The following DCHS2 variants were observed in gnomAD, a reference collection of about 807,000 sequenced individuals.
DCHS2 encodes protocadherin-23.
A neutral mutation model predicts 182.4 loss-of-function variants in DCHS2; 142 were observed. The observed-to-expected ratio is 0.78, with a 90% CI of 0.68 to 0.89. The LOEUF is 0.89. DCHS2 is among the 40% of genes least tolerant of loss of function. DCHS2 has a pLI of 0.00. For missense variants in DCHS2, 4,319 were observed against 4,198.6 expected, an observed-to-expected ratio of 1.03 and a Z score of -0.79; for synonymous variants, 1,740 against 1,663.3, an observed-to-expected ratio of 1.05 and a Z score of -1.12.
At position 154,320,968 on chromosome 4, in the gene DCHS2, G is replaced by A. The variant is rs893182078; in HGVS notation, c.4431C>T (p.Phe1477=). The part of the protein sequence containing the change: ...LDYETTSHYL[F]RVITTDHSKN... ...TGCTATGGTCTGTAGTAATCACTCTGAAAAGATAATGAGATGTCGTCTCAT... is the reference window on the plus strand; with the variant it reads ...TGCTATGGTCTGTAGTAATCACTCTAAAAAGATAATGAGATGTCGTCTCAT... The change falls in exon 9 of 20, where the codon TTC becomes TTT. Residue 1477 remains phenylalanine, a synonymous_variant. Transcript: ENST00000357232. The A allele has an allele frequency of 1.9e-6, 3 of 1,614,032 alleles. No homozygotes were observed. Among genetic ancestry groups the A allele is most frequent in the Non-Finnish European group, 8.5e-7 (1 of 1,179,984 alleles).
At chr4:154,359,164 CT>C (rs1579005271) in intron 3 of DCHS2, among the ~76,000 whole-genome samples, 1 of 152,022 alleles carries the variant, frequency 6.6e-6, no homozygotes, top group East Asian at 1.9e-4. Context: ...TTACAGAGCA[CT>C]GGTTATTTTC....
intron 1 of DCHS2, among the ~76,000 whole-genome samples, chr4:154,463,691 T>TC: frequency 1.7e-5 from 1 of 57,792 alleles, no homozygotes; most frequent in Non-Finnish European, 4.3e-5. Context: ...TATTCTCTCT[T>TC]TTCTCTCTCT....
intron 1 of DCHS2, among the ~76,000 whole-genome samples, chr4:154,432,688 T>C (rs1163155212): frequency 6.6e-6 from 1 of 151,780 alleles, no homozygotes; most frequent in Admixed American, 6.6e-5. Context: ...TCTCAATCAA[T>C]CCAACAGCTG....
At chr4:154,481,060 T>C (rs1332294708) in intron 1 of DCHS2, among the ~76,000 whole-genome samples, 1 of 152,212 alleles carries the variant, frequency 6.6e-6, no homozygotes, top group Non-Finnish European at 1.5e-5. Flanking sequence ...TTAACTGATG[T>C]CCCTTTTTGT....
At chr4:154,427,987 G>T (rs1421639372) in intron 1 of DCHS2, among the ~76,000 whole-genome samples, 3 of 152,222 alleles carry the variant, frequency 2.0e-5, no homozygotes, top group Non-Finnish European at 4.4e-5. Flanking sequence ...AAGTGCATAT[G>T]AAGGCAGTCT....
chr4:154,409,532 G>A (rs986362420), intron 1 of DCHS2, among the ~76,000 whole-genome samples: 16 of 152,152 alleles, frequency 1.1e-4, no homozygotes, highest in African/African-American at 3.6e-4. Context: ...CTGAGCCTGA[G>A]CTGACAGGGG....
chr4:154,435,001 T>G (rs1490720498), intron 1 of DCHS2, among the ~76,000 whole-genome samples: 5 of 151,940 alleles, frequency 3.3e-5, no homozygotes, highest in Non-Finnish European at 5.9e-5. Context: ...GATCTCGCAA[T>G]GGAGAAAGGA....
intron 1 of DCHS2, among the ~76,000 whole-genome samples, chr4:154,410,455 A>C (rs1057029405): frequency 3.4e-5 from 5 of 146,234 alleles, no homozygotes; most frequent in African/African-American, 1.0e-4. Flanking sequence ...AGGTATTTTG[A>C]AAATACCCAG....
chr4:154,316,676 C>T (rs111427499), intron 9 of DCHS2, among the ~76,000 whole-genome samples: 3,520 of 152,052 alleles, frequency 0.023, 125 homozygotes, highest in African/African-American at 0.078. Context: ...CTCAGCTGCT[C>T]GGGAGGCTGA....
intron 1 of DCHS2, among the ~76,000 whole-genome samples, chr4:154,480,251 G>A (rs1255066427): frequency 3.9e-5 from 6 of 152,040 alleles, no homozygotes; most frequent in East Asian, 3.8e-4. Flanking sequence ...GGCCATATAC[G>A]GTAAGGCTAA....
At chr4:154,373,473 C>G (rs749236653) in intron 2 of DCHS2, among the ~76,000 whole-genome samples, 4 of 152,114 alleles carry the variant, frequency 2.6e-5, no homozygotes, top group Non-Finnish European at 4.4e-5. Context: ...TACACATACA[C>G]TCACATGAAA....
intron 16 of DCHS2, among the ~76,000 whole-genome samples, chr4:154,249,369 C>T (rs890355487): frequency 6.6e-6 from 1 of 151,930 alleles, no homozygotes; most frequent in Non-Finnish European, 1.5e-5. Context: ...AAATACAAAT[C>T]AAAACATAAT....
intron 1 of DCHS2, among the ~76,000 whole-genome samples, chr4:154,444,458 T>G (rs1221296154): frequency 1.3e-5 from 2 of 152,134 alleles, no homozygotes; most frequent in African/African-American, 4.8e-5. Context: ...CCTCATCCAG[T>G]TCATCAGCCA....
intron 1 of DCHS2, among the ~76,000 whole-genome samples, chr4:154,396,195 A>T (rs1332735825): frequency 1.4e-5 from 2 of 144,876 alleles, no homozygotes; most frequent in Non-Finnish European, 3.0e-5. Flanking sequence ...TATTCTCAGC[A>T]GTAGAAGTGT....
chr4:154,424,534 C>A (rs918792778), intron 1 of DCHS2, among the ~76,000 whole-genome samples: 3 of 152,158 alleles, frequency 2.0e-5, no homozygotes, highest in Non-Finnish European at 4.4e-5. Flanking sequence ...AAAATGAGAT[C>A]TCTTTTGAGA....
chr4:154,340,216 A>T (rs1232443964), intron 3 of DCHS2, among the ~76,000 whole-genome samples: 3 of 152,194 alleles, frequency 2.0e-5, no homozygotes, highest in Admixed American at 6.5e-5. Flanking sequence ...TTCTACAAAA[A>T]ATTTCAAGAA....
At position 154,332,922 on chromosome 4, in the gene DCHS2, A is replaced by G. The variant is rs761050348; in HGVS notation, c.3286T>C (p.Ser1096Pro). ...AGCATTTGTGTCATCGGTGAGAGAG[A>G]CTCACTGACTTCCACTTGATAGACC... is the stretch of plus-strand genomic sequence containing the variant. ...HLVYQVEVSE[S>P]LSPMTQMLQT... The change falls in exon 5 of 20, where the codon TCT becomes CCT. Residue 1096 changes from serine to proline, a missense_variant. Transcript: ENST00000357232. 2 of 1,614,162 alleles carry G rather than the reference A, an allele frequency of 1.2e-6. No individual in the cohort carries two copies. The highest frequency in any genetic ancestry group is 2.2e-5 in the South Asian group (2 of 91,086).
chr4:154,369,761 A>C (rs773890784), intron 2 of DCHS2, among the ~76,000 whole-genome samples: 1 of 152,092 alleles, frequency 6.6e-6, no homozygotes, highest in Non-Finnish European at 1.5e-5. Context: ...TTCATGTGGC[A>C]TTTTTATTTC....
chr4:154,250,159 C>A (rs1241194620), intron 16 of DCHS2, among the ~76,000 whole-genome samples: 1 of 152,076 alleles, frequency 6.6e-6, no homozygotes, highest in East Asian at 1.9e-4. Flanking sequence ...AGTCTCACAA[C>A]CAATACCTCA....
Sources: allele counts gnomAD v4.1 joint callset (sites outside exome capture counted in the v4.1 genomes callset), GRCh38; gene constraint gnomAD v4.1.1; transcripts MANE v1.5; gene names NCBI Gene and HGNC (gene_info 2026-07-23, HGNC 2026-07-21).